The following NPIPB6 variants were observed in gnomAD, a reference collection of about 807,000 sequenced individuals.
The protein encoded by NPIPB6 is nuclear pore complex interacting protein family member B6, also known as nuclear pore complex-interacting protein family member B6.
A neutral mutation model predicts 20.0 loss-of-function variants in NPIPB6; 2 were observed. That is an observed-to-expected ratio of 0.10 (90% CI 0.04 to 0.31). NPIPB6 has a LOEUF of 0.31. Ranked by LOEUF, NPIPB6 falls within the 10% of genes least tolerant of loss-of-function variation. The probability of loss-of-function intolerance (pLI) is 1.00; values close to 1 mark genes in which losing one functional copy is unlikely to be tolerated. For missense variants in NPIPB6, 96 were observed against 293.7 expected (o/e 0.33, Z 4.92); for synonymous variants, 35 against 116.3 (o/e 0.30, Z 4.50).
At chr16:28,350,268 G>C (rs1342263154) in intron 2 of NPIPB6, among the ~76,000 whole-genome samples, 1 of 99,370 alleles carries the variant, frequency 1.0e-5, no homozygotes, top group Non-Finnish European at 2.2e-5. Flanking sequence ...CGGTTAGATG[G>C]TAATTATCAT....
At chr16:28,359,453 A>C (rs1310000671) in intron 1 of NPIPB6, among the ~76,000 whole-genome samples, 1 of 135,952 alleles carries the variant, frequency 7.4e-6, no homozygotes, top group African/African-American at 2.8e-5. Context: ...GTTTCCTTCC[A>C]TACAATGGGA....
intron 4 of NPIPB6, chr16:28,345,977 CT>C (rs1385826955): frequency 1.4e-5 from 1 of 69,756 alleles, no homozygotes; most frequent in African/African-American, 9.0e-5. Flanking sequence ...AAGATCCCCC[CT>C]GCAACCTTCC....
exon 7 of NPIPB6, chr16:28,343,048 C>T: frequency 6.9e-7 from 1 of 1,455,620 alleles, no homozygotes; most frequent in Non-Finnish European, 9.4e-7. Context: ...TCTTGAGGCT[C>T]AGGGAGTTAT....
intron 1 of NPIPB6, among the ~76,000 whole-genome samples, chr16:28,360,303 TC>T (rs1327092846): frequency 7.9e-6 from 1 of 126,800 alleles, no homozygotes; most frequent in East Asian, 2.1e-4. Flanking sequence ...TTGATATCCT[TC>T]CAAATCAACT....
chr16:28,356,130 TAAAAAAAAAAA>T lies in NPIPB6; in HGVS notation c.121-3080_121-3070del, dbSNP rs571401989. On this transcript the variant is annotated intron_variant, in intron 1 of 6. Transcript: ENST00000532254. The stretch of plus-strand genomic sequence containing the variant: ...CTGGGCGACAGAGTGAGACTCTGTC[TAAAAAAAAAAA>T]AAAAAAAAAGTCATCAAACCAGATG... 6.6e-5 allele frequency among the ~76,000 whole-genome samples: 2 copies of T among 30,104 alleles called. 1 individual carries two copies. Among genetic ancestry groups the T allele is most frequent in the Non-Finnish European group, 1.4e-4 (2 of 14,154 alleles). The allele number at this position is 30,104 out of a possible 152,430, so 19.7% of individuals were successfully genotyped here.
rs1255391493 is a variant in NPIPB6, at chr16:28,355,629, A to G, written c.121-2568T>C. Among the ~76,000 whole-genome samples the G allele has an allele frequency of 3.3e-5, 4 of 120,066 alleles. 1 individual carries two copies. The highest frequency in any genetic ancestry group is 4.9e-4 in the East Asian group (2 of 4,056). 78.8% of individuals were successfully genotyped at this position (120,066 alleles called of 152,430 possible). ...CAAAATTAGCTGGGAGTGGTGGCAC[A>G]TGTCTGTAATCCCAGCCACCCGGGA... is the stretch of plus-strand genomic sequence containing the variant. On this transcript the variant is annotated intron_variant, in intron 1 of 6. Coordinates refer to ENST00000532254, the Ensembl canonical transcript of NPIPB6.
At chr16:28,349,611 TG>T (rs1474323147) in intron 2 of NPIPB6, among the ~76,000 whole-genome samples, 1 of 93,668 alleles carries the variant, frequency 1.1e-5, no homozygotes, top group Admixed American at 1.3e-4. Context: ...GACATGAGGC[TG>T]GCACGGTGGC....
chr16:28,349,547 TCACACA>T (rs71225064), intron 2 of NPIPB6, among the ~76,000 whole-genome samples: 997 of 57,432 alleles, frequency 0.017, 2 homozygotes, highest in East Asian at 0.034. Context: ...TGAGACTCTG[TCACACA>T]CACACACACA....
At chr16:28,343,259 G>C in intron 6 of NPIPB6, 71 bp from the exon 8 acceptor site, 1 of 1,086,150 alleles carries the variant, frequency 9.2e-7, no homozygotes, top group Non-Finnish European at 1.3e-6. Context: ...CACCAACACA[G>C]TCTGCACCTT....
In NPIPB6 at chr16:28,361,730, ATGTG is replaced by A. The variant is rs750956017; in HGVS notation, c.120+969_120+972del. 3.2e-3 allele frequency among the ~76,000 whole-genome samples: 321 copies of A among 100,696 alleles called. 4 individuals are homozygous for A. The highest frequency in any genetic ancestry group is 4.7e-3 in the Middle Eastern group (1 of 212). The allele number at this position is 100,696 out of a possible 152,430, so 66.1% of individuals were successfully genotyped here. On this transcript the variant is annotated intron_variant, in intron 1 of 6. Coordinates refer to ENST00000532254, the Ensembl canonical transcript of NPIPB6. ...AGTGAAACTCTGTCTCTCTCTCTAT[ATGTG>A]TGTGTGTGTGTGTGTGTGTGTGTGT... is the stretch of plus-strand genomic sequence containing the variant.
intron 2 of NPIPB6, among the ~76,000 whole-genome samples, chr16:28,351,820 G>C (rs2045236561): frequency 3.4e-5 from 1 of 29,750 alleles, no homozygotes; most frequent in Non-Finnish European, 7.6e-5. Context: ...TAATTATCTA[G>C]GTGGTAAAAC....
rs3874738 is a variant in NPIPB6, at chr16:28,359,753, C to A, written c.120+2950G>T. ...GTAGGACTCCTGGGTCCCCAGGGTG[C>A]AGGTCCATCTTCAGTGGCATTGGGC... On this transcript the variant is annotated intron_variant, in intron 1 of 6. Coordinates refer to ENST00000532254, the Ensembl canonical transcript of NPIPB6. Among the ~76,000 whole-genome samples, 8 of 151,610 alleles carry A rather than the reference C, an allele frequency of 5.3e-5. No homozygotes were observed. The South Asian group carries it at 1.5e-3, about 28-fold the overall frequency.
intron 2 of NPIPB6, among the ~76,000 whole-genome samples, chr16:28,351,646 G>A (rs867241909): frequency 8.9e-6 from 1 of 112,020 alleles, no homozygotes; most frequent in African/African-American, 3.1e-5. Flanking sequence ...CTCGTCTCGG[G>A]GGTGAGAAAA....
At chr16:28,356,716 G>A (rs1187098189) in intron 1 of NPIPB6, 1 of 45,642 alleles carries the variant, frequency 2.2e-5, no homozygotes, top group African/African-American at 3.6e-4. Flanking sequence ...GGAGGGGCAG[G>A]GGAGGGGGAG....
chr16:28,360,356 T>C (rs1721596847), intron 1 of NPIPB6, among the ~76,000 whole-genome samples: 1 of 132,344 alleles, frequency 7.6e-6, no homozygotes, highest in Non-Finnish European at 1.7e-5. Context: ...ATGGGGTAAC[T>C]GAGGCAGTCA....
intron 1 of NPIPB6, among the ~76,000 whole-genome samples, chr16:28,355,750 C>G (rs908083776): frequency 7.8e-6 from 1 of 128,990 alleles, no homozygotes; most frequent in Non-Finnish European, 1.7e-5. Flanking sequence ...AAGGGAGAAA[C>G]TGTCTCAAAA....
chr16:28,348,160 C>T (rs2045131870), intron 4 of NPIPB6, among the ~76,000 whole-genome samples: 1 of 112,310 alleles, frequency 8.9e-6, no homozygotes. Context: ...ACCTGTAATC[C>T]AAGCTACTCA....
intron 2 of NPIPB6, among the ~76,000 whole-genome samples, chr16:28,349,663 CG>C (rs1326778632): frequency 1.2e-5 from 1 of 80,162 alleles, no homozygotes; most frequent in Non-Finnish European, 2.9e-5. Flanking sequence ...CCGAGGCAGG[CG>C]GATCACCTGA....
rs1293539621 is a variant in NPIPB6 at position 28,349,731 on chromosome 16, A to G, written c.304-490T>C. On this transcript the variant is annotated intron_variant, in intron 2 of 6. Transcript: ENST00000532254. ...TGGAGAAACGCTGTCTCTGCTAAAA[A>G]TACAAAATTAACCAGGCATGGTGGT... Among the ~76,000 whole-genome samples the G allele has an allele frequency of 4.5e-5, 5 of 110,452 alleles. 2 individuals carry two copies. The highest frequency in any genetic ancestry group is 1.5e-4 in the African/African-American group (5 of 32,364). The allele number at this position is 110,452 out of a possible 152,430, so 72.5% of individuals were successfully genotyped here. A position where few individuals can be genotyped will look rare whatever the true frequency, so the allele number is the denominator to read the frequency against.
Sources: allele counts gnomAD v4.1 joint callset (sites outside exome capture counted in the v4.1 genomes callset), GRCh38; gene constraint gnomAD v4.1.1; transcripts MANE v1.5; gene names NCBI Gene and HGNC (gene_info 2026-07-23, HGNC 2026-07-21).